CACNA1C: variants seen among roughly 807,000 people sequenced by gnomAD.
CACNA1C encodes calcium voltage-gated channel subunit alpha1 C, also known as voltage-dependent L-type calcium channel subunit alpha-1C.
In CACNA1C, 30 loss-of-function variants were observed where a neutral mutation model predicts 229.0. The ratio of observed to expected loss-of-function variants is 0.13; its 90% CI spans 0.10 to 0.18. The LOEUF (loss-of-function observed/expected upper bound fraction) is 0.18, where lower values mean the gene tolerates loss of function less well. Ranked by LOEUF, CACNA1C falls within the 10% of genes least tolerant of loss-of-function variation. CACNA1C has a pLI of 1.00. For synonymous variants in CACNA1C, 1,114 were observed against 1,132.5 expected, an observed-to-expected ratio of 0.98 and a Z score of 0.33; for missense variants, 1,658 against 2,845.0, an observed-to-expected ratio of 0.58 and a Z score of 9.49.
chr12:2,174,554 T>C (rs577370312), intron 3 of CACNA1C, among the ~76,000 whole-genome samples: 21 of 151,770 alleles, frequency 1.4e-4, no homozygotes, highest in African/African-American at 5.1e-4. Context: ...TCCCTCAAGA[T>C]TTTTTTTTCT....
intron 3 of CACNA1C, among the ~76,000 whole-genome samples, chr12:2,322,275 A>G (rs540061413): frequency 6.5e-4 from 99 of 152,334 alleles, no homozygotes; most frequent in Admixed American, 1.4e-3. Flanking sequence ...CCACCCCCAG[A>G]TGAAGACATC....
At position 2,141,963 on chromosome 12, in the gene CACNA1C, G is replaced by T. The variant is rs183659898; in HGVS notation, c.477+21533G>T. Among the ~76,000 whole-genome samples, 361 of 151,316 alleles carry T rather than the reference G, an allele frequency of 2.4e-3. 8 individuals carry two copies. The highest frequency in any genetic ancestry group is 8.5e-3 in the African/African-American group (352 of 41,478). ...GCGGCTCTTTGAAGGGATGACGTGG[G>T]AAGGGTATCCTCTCCTTTCCAGCAT... is the stretch of plus-strand genomic sequence containing the variant. On this transcript the variant is annotated intron_variant, in intron 3 of 46. Coordinates refer to ENST00000399655, the MANE Select transcript of CACNA1C (RefSeq NM_000719.7).
rs535275426 is a variant in CACNA1C, at chr12:2,197,859, G to T, written c.477+77429G>T. On this transcript the variant is annotated intron_variant, in intron 3 of 46. Transcript: ENST00000399655. ...GAGCTTCTGAAAATAAGCACCTACT[G>T]ATGGGTTCAGTGCAGAAATGAACCC... Among the ~76,000 whole-genome samples, 6 of 152,258 alleles carry T rather than the reference G, an allele frequency of 3.9e-5. 2 individuals carry two copies. The highest frequency in any genetic ancestry group is 9.6e-5 in the African/African-American group (4 of 41,540).
intron 3 of CACNA1C, among the ~76,000 whole-genome samples, chr12:2,384,040 A>T (rs750596220): frequency 2.0e-5 from 3 of 152,250 alleles, no homozygotes; most frequent in African/African-American, 7.2e-5. Context: ...GGAGAACCTC[A>T]TCTGAACCTC....
At chr12:2,465,068 C>T (rs755025954) in intron 5 of CACNA1C, among the ~76,000 whole-genome samples, 1 of 152,146 alleles carries the variant, frequency 6.6e-6, no homozygotes, top group African/African-American at 2.4e-5. Context: ...TGTAATCGAA[C>T]GTATTACATA....
chr12:2,265,935 G>GC (rs762246219), intron 3 of CACNA1C, among the ~76,000 whole-genome samples: 40 of 152,180 alleles, frequency 2.6e-4, no homozygotes, highest in Admixed American at 2.6e-3. Context: ...CAGCATCTCT[G>GC]CCCCCCTGCG....
chr12:2,513,486 AC>A (rs1391839858), intron 9 of CACNA1C, among the ~76,000 whole-genome samples: 2 of 152,220 alleles, frequency 1.3e-5, no homozygotes, highest in Non-Finnish European at 2.9e-5. Context: ...AGATTCAAAG[AC>A]CTGGGGAAGT....
At position 2,319,453 on chromosome 12, in the gene CACNA1C, G is replaced by A. The variant is rs762572717; in HGVS notation, c.478-129523G>A. On this transcript the variant is annotated intron_variant, in intron 3 of 46. Transcript: ENST00000399655. This position sits in a 1 kb window ranked among gnomAD's most constrained non-coding sequence, Gnocchi z 4.0. ...CAGCCACCATGCATCAGGAGGAAGAGACCTCGCTCCCACGCCACAGCCCCA... is the reference window on the plus strand; with the variant it reads ...CAGCCACCATGCATCAGGAGGAAGAAACCTCGCTCCCACGCCACAGCCCCA... Among the ~76,000 whole-genome samples, 6 of 152,142 alleles carry A rather than the reference G, an allele frequency of 3.9e-5. No individual in the cohort carries two copies. The highest frequency in any genetic ancestry group is 7.4e-5 in the Non-Finnish European group (5 of 68,004).
In CACNA1C at chr12:2,287,181, A is replaced by G. The variant is rs1271430208; in HGVS notation, c.478-161795A>G. Among the ~76,000 whole-genome samples the G allele has an allele frequency of 6.6e-6, 1 of 152,150 alleles. No homozygotes were observed. Among genetic ancestry groups the G allele is most frequent in the African/African-American group, 2.4e-5 (1 of 41,428 alleles). On this transcript the variant is annotated intron_variant, in intron 3 of 46. Transcript: ENST00000399655. This position sits in a 1 kb window ranked among gnomAD's most constrained non-coding sequence, Gnocchi z 4.6. The stretch of plus-strand genomic sequence containing the variant: ...TTTTCCTCCTTCATGGTCTCCTGGT[A>G]CTTTTAACCCCTTCTCTCCATTTTT...
At chr12:2,313,222 G>T (rs2095524984) in intron 3 of CACNA1C, among the ~76,000 whole-genome samples, 1 of 152,232 alleles carries the variant, frequency 6.6e-6, no homozygotes, top group Non-Finnish European at 1.5e-5. Context: ...TGGTTAAAGA[G>T]ATGTATGCTG....
chr12:2,083,855 C>T (rs2066583537), intron 1 of CACNA1C, among the ~76,000 whole-genome samples: 2 of 152,144 alleles, frequency 1.3e-5, no homozygotes, highest in Admixed American at 6.6e-5. Context: ...TTCATTGGAT[C>T]ATTCATTGAG....
chr12:2,263,822 T>G (rs2081288901), intron 3 of CACNA1C, among the ~76,000 whole-genome samples: 1 of 151,116 alleles, frequency 6.6e-6, no homozygotes, highest in Admixed American at 6.6e-5. Context: ...GGCTCAAGAA[T>G]TGGGGTTTGG....
intron 11 of CACNA1C, among the ~76,000 whole-genome samples, chr12:2,562,569 A>T (rs74460986): frequency 0.078 from 11,919 of 152,248 alleles, 511 homozygotes; most frequent in African/African-American, 0.089. Context: ...TTTAGTATCA[A>T]GATCTGGCAA....
At chr12:2,588,906 G>T (rs776038484) in intron 18 of CACNA1C, among the ~76,000 whole-genome samples, 41 of 152,324 alleles carry the variant, frequency 2.7e-4, no homozygotes, top group Admixed American at 9.8e-4. Context: ...TGAGTAGTCA[G>T]CACCGCCTGT....
chr12:2,426,313 T>C (rs1595936305), intron 3 of CACNA1C, among the ~76,000 whole-genome samples: 1 of 152,162 alleles, frequency 6.6e-6, no homozygotes, highest in East Asian at 1.9e-4. Flanking sequence ...TCAGAAATAA[T>C]TGACAACAGT....
chr12:2,528,987 C>G (rs2099834551), intron 9 of CACNA1C, among the ~76,000 whole-genome samples: 1 of 152,152 alleles, frequency 6.6e-6, no homozygotes, highest in Non-Finnish European at 1.5e-5. Flanking sequence ...GAGCTGACCC[C>G]AAGCTCTTGA....
intron 3 of CACNA1C, among the ~76,000 whole-genome samples, chr12:2,416,785 G>A (rs903300973): frequency 6.6e-6 from 1 of 152,142 alleles, no homozygotes; most frequent in East Asian, 1.9e-4. Context: ...ATTTCACTTC[G>A]TTTTCATCAC....
intron 3 of CACNA1C, among the ~76,000 whole-genome samples, chr12:2,389,431 C>G (rs146240346): frequency 6.6e-6 from 1 of 152,238 alleles, no homozygotes; most frequent in African/African-American, 2.4e-5. Context: ...CAAGGGATAT[C>G]TTCTATTTTT....
Position 1,971,041 on chromosome 12 carries a change from A to C in CACNA1C, c.-22A>C. The C allele has an allele frequency of 7.9e-7, 1 of 1,273,764 alleles. No individual in the cohort carries two copies. Among genetic ancestry groups the C allele is most frequent in the Non-Finnish European group, 1.0e-6 (1 of 979,290 alleles). 78.9% of individuals were successfully genotyped at this position (1,273,764 alleles called of 1,614,324 possible). A position where few individuals can be genotyped will look rare whatever the true frequency, so the allele number is the denominator to read the frequency against. ...ATTTAGCTTTAAAAATCAACCAATT[A>C]ATATACATCTGGAAATTCACAATGC... On this transcript the variant is annotated 5_prime_UTR_variant, in exon 1 of 47. Coordinates refer to the CACNA1C transcript ENST00000682462. The surrounding 1 kb of genome is among the most constrained non-coding windows in gnomAD (Gnocchi z 4.2).
Sources: gnomAD v4.1 joint callset for allele counts (sites outside exome capture counted in the v4.1 genomes callset) on GRCh38, gnomAD v4.1.1 for gene constraint, Gnocchi (gnomAD v3.1) non-coding constraint, MANE v1.5 for transcripts, NCBI Gene and HGNC (gene_info 2026-07-23, HGNC 2026-07-21) for gene names.